DYNC2H1: variants seen among roughly 807,000 people sequenced by gnomAD.
DYNC2H1 encodes the protein dynein cytoplasmic 2 heavy chain 1.
A neutral mutation model predicts 570.0 loss-of-function variants in DYNC2H1; 410 were observed. That is an observed-to-expected ratio of 0.72 (90% CI 0.66 to 0.78). DYNC2H1 has a LOEUF of 0.78. Among genes scored for constraint, DYNC2H1 ranks in the 30% least tolerant of loss-of-function variants. DYNC2H1 has a pLI of 0.00. For synonymous variants in DYNC2H1, 1,688 were observed against 1,677.6 expected (o/e 1.01, Z -0.15); for missense variants, 4,865 against 5,046.4 (o/e 0.96, Z 1.09).
rs565506128 is a variant in DYNC2H1, at chr11:103,196,192, G to C, written c.7709-1741G>C. On this transcript the variant is annotated intron_variant, in intron 47 of 88. Coordinates refer to ENST00000375735, the MANE Select transcript of DYNC2H1 (RefSeq NM_001377.3). ...ATATGTGTTATGCTAGTGGTAGTAA[G>C]GATGTACTTGAGGAGGCAGAAACTT... Among the ~76,000 whole-genome samples the C allele has an allele frequency of 2.0e-5, 3 of 152,296 alleles. No individual in the cohort carries two copies. The East Asian group carries it at 5.8e-4, about 29-fold the overall frequency.
At position 103,121,419 on chromosome 11, in the gene DYNC2H1, G is replaced by A. The variant is rs766304630; in HGVS notation, c.1408G>A (p.Ala470Thr). The A allele has an allele frequency of 1.2e-6, 2 of 1,613,078 alleles. No individual in the cohort carries two copies. The highest frequency in any genetic ancestry group is 1.7e-6 in the Non-Finnish European group (2 of 1,179,482). The change falls in exon 10 of 89, where the codon GCA becomes ACA. Residue 470 changes from alanine to threonine, a missense_variant. Around this residue, in one of 5 missense-constraint regions of DYNC2H1, gnomAD observed 1,936 missense variants for 1,962.1 expected, o/e 0.99. Transcript: ENST00000375735. Reference protein sequence around the residue: ...ENRCRGIPGDASGPLSGKNLS... With the variant: ...ENRCRGIPGDTSGPLSGKNLS... ...TCGGTGCCGAGGAATTCCTGGTGAT[G>A]CATCTGGACCACTTTCTGGCAAAAA...
At chr11:103,122,693 C>A (rs544100003) in intron 10 of DYNC2H1, 132 bp from the exon 11 acceptor site, 2 of 778,436 alleles carry the variant, frequency 2.6e-6, no homozygotes, top group Admixed American at 3.0e-5. Flanking sequence ...TTTGGTGAAT[C>A]TTCCGTTTCA....
chr11:103,402,451 C>T (rs186179108), intron 84 of DYNC2H1: 2 of 152,086 alleles, frequency 1.3e-5, no homozygotes, highest in African/African-American at 2.4e-5. Context: ...GGTTAGCAAG[C>T]CTAGGGTTAA....
Position 103,186,194 on chromosome 11 carries a change from A to T in DYNC2H1, c.6634-48A>T, listed in dbSNP as rs1184893445. On this transcript the variant is annotated intron_variant, in intron 41 of 88. Coordinates refer to ENST00000375735, the MANE Select transcript of DYNC2H1 (RefSeq NM_001377.3). The surrounding 1 kb of genome is among the most constrained non-coding windows in gnomAD (Gnocchi z 4.5). Reference sequence around the variant, plus strand: ...TTACTTGGAAGAATTTTAAAATGTCACACACTCTGGAGTATGTGAAAACTT... The same window carrying T: ...TTACTTGGAAGAATTTTAAAATGTCTCACACTCTGGAGTATGTGAAAACTT... 13 of 1,543,100 alleles carry T rather than the reference A, an allele frequency of 8.4e-6. No individual in the cohort carries two copies. The South Asian group carries it at 1.3e-4, about 16-fold the overall frequency.
chr11:103,445,101 C>A (rs1329959780), intron 85 of DYNC2H1, among the ~76,000 whole-genome samples: 1 of 152,162 alleles, frequency 6.6e-6, no homozygotes, highest in East Asian at 1.9e-4. Flanking sequence ...TGAATAAATA[C>A]ATTTTGTACA....
chr11:103,346,834 A>G lies in DYNC2H1; in HGVS notation c.12040-11409A>G, dbSNP rs564542018. Reference sequence around the variant, plus strand: ...AATATGGCAGGAATGATGGAATTTGAAAAATCATTATTTCACAAACTCTAA... The same window carrying G: ...AATATGGCAGGAATGATGGAATTTGGAAAATCATTATTTCACAAACTCTAA... On this transcript the variant is annotated intron_variant, in intron 82 of 88. Coordinates refer to ENST00000375735, the MANE Select transcript of DYNC2H1 (RefSeq NM_001377.3). Among the ~76,000 whole-genome samples the G allele has an allele frequency of 4.6e-5, 7 of 152,312 alleles. No individual in the cohort carries two copies. The South Asian group carries it at 1.0e-3, about 23-fold the overall frequency.
At chr11:103,193,298 A>C (rs1197438892) in intron 47 of DYNC2H1, among the ~76,000 whole-genome samples, 1 of 152,014 alleles carries the variant, frequency 6.6e-6, no homozygotes, top group African/African-American at 2.4e-5. Context: ...TAGTGTGGAG[A>C]AGCTTAGGTT....
intron 84 of DYNC2H1, among the ~76,000 whole-genome samples, chr11:103,426,395 T>A (rs1019349073): frequency 6.6e-6 from 1 of 152,322 alleles, no homozygotes; most frequent in East Asian, 1.9e-4. Context: ...ACAACCAAGC[T>A]GGTCTTAGCA....
At position 103,280,291 on chromosome 11, in the gene DYNC2H1, G is replaced by A. The variant is rs1591517062; in HGVS notation, c.10696-57G>A. On this transcript the variant is annotated intron_variant, in intron 70 of 88. Coordinates refer to ENST00000375735, the MANE Select transcript of DYNC2H1 (RefSeq NM_001377.3). This position sits in a 1 kb window ranked among gnomAD's most constrained non-coding sequence, Gnocchi z 4.7. ...TTGTGTGCCAAATTTTAACGACTATGCTTTTCCAAAGACACAAATTTTTAA... is the reference window on the plus strand; with the variant it reads ...TTGTGTGCCAAATTTTAACGACTATACTTTTCCAAAGACACAAATTTTTAA... The A allele has an allele frequency of 6.6e-7, 1 of 1,519,316 alleles. No individual in the cohort carries two copies. The highest frequency in any genetic ancestry group is 1.2e-5 in the South Asian group (1 of 82,548). 94.1% of individuals were successfully genotyped at this position (1,519,316 alleles called of 1,614,324 possible). A position where few individuals can be genotyped will look rare whatever the true frequency, so the allele number is the denominator to read the frequency against.
At position 103,319,215 on chromosome 11, in the gene DYNC2H1, C is replaced by A. The variant is rs1421555756; in HGVS notation, c.11726-1814C>A. On this transcript the variant is annotated intron_variant, in intron 80 of 88. Transcript: ENST00000375735. This position sits in a 1 kb window ranked among gnomAD's most constrained non-coding sequence, Gnocchi z 4.3. ...TAGATATATAAATAGGTATCTTACA[C>A]CATTATGTTTTGAATAAAAGGCAGA... 6.6e-6 allele frequency among the ~76,000 whole-genome samples: 1 copy of A among 151,962 alleles called. No homozygotes were observed. Among genetic ancestry groups the A allele is most frequent in the Non-Finnish European group, 1.5e-5 (1 of 67,966 alleles).
rs1344183719 is a variant in DYNC2H1, at chr11:103,207,246, A to ATTTT, written c.8454+2282_8454+2283insTTTT. Among the ~76,000 whole-genome samples, 115 of 38,926 alleles carry ATTTT rather than the reference A, an allele frequency of 3.0e-3. 1 individual carries two copies. Among genetic ancestry groups the ATTTT allele is most frequent in the East Asian group, 5.0e-3 (6 of 1,190 alleles). 25.5% of individuals were successfully genotyped at this position (38,926 alleles called of 152,430 possible). A position where few individuals can be genotyped will look rare whatever the true frequency, so the allele number is the denominator to read the frequency against. On this transcript the variant is annotated intron_variant, in intron 52 of 88. Coordinates refer to ENST00000375735, the MANE Select transcript of DYNC2H1 (RefSeq NM_001377.3). ...CTGTTTTTTTTTTTTTTTTTTTAAA[A>ATTTT]AAAGATGGGACACACTATAGTATGT...
intron 17 of DYNC2H1, among the ~76,000 whole-genome samples, chr11:103,138,840 T>G (rs1859725720): frequency 6.6e-6 from 1 of 152,096 alleles, no homozygotes; most frequent in Non-Finnish European, 1.5e-5. Flanking sequence ...CTCCATCTGG[T>G]CCTGGACTCT....
At chr11:103,237,294 AT>A (rs1864255579) in intron 63 of DYNC2H1, among the ~76,000 whole-genome samples, 2 of 151,912 alleles carry the variant, frequency 1.3e-5, no homozygotes, top group African/African-American at 4.8e-5. Context: ...CCTTATTCTT[AT>A]TTTTTAACTC....
At chr11:103,467,720 G>A (rs1945238538) in intron 87 of DYNC2H1, among the ~76,000 whole-genome samples, 1 of 152,052 alleles carries the variant, frequency 6.6e-6, no homozygotes, top group Non-Finnish European at 1.5e-5. Flanking sequence ...TGCATTTTTA[G>A]TACAGATGGG....
At chr11:103,188,128 A>G (rs1024860517) in intron 43 of DYNC2H1, among the ~76,000 whole-genome samples, 4 of 152,110 alleles carry the variant, frequency 2.6e-5, no homozygotes, top group African/African-American at 9.6e-5. Flanking sequence ...TAGGCTTATT[A>G]TGTAACTGCA....
At chr11:103,463,289 T>C (rs1260113251) in intron 87 of DYNC2H1, among the ~76,000 whole-genome samples, 4 of 152,176 alleles carry the variant, frequency 2.6e-5, no homozygotes, top group African/African-American at 7.2e-5. Flanking sequence ...GAAATACAGA[T>C]AGATTGAGCT....
At chr11:103,452,670 A>G (rs1944651109) in intron 85 of DYNC2H1, among the ~76,000 whole-genome samples, 1 of 151,904 alleles carries the variant, frequency 6.6e-6, no homozygotes, top group Non-Finnish European at 1.5e-5. Flanking sequence ...ATAGCCTTTT[A>G]CCTTCAAAAT....
chr11:103,194,747 T>C (rs1794013761), intron 47 of DYNC2H1, among the ~76,000 whole-genome samples: 1 of 152,168 alleles, frequency 6.6e-6, no homozygotes, highest in South Asian at 2.1e-4. Context: ...AGACGGAGTC[T>C]CACTCTGTTT....
intron 57 of DYNC2H1, among the ~76,000 whole-genome samples, 178 bp downstream of exon 57, chr11:103,220,961 C>T (rs1364354514): frequency 6.6e-6 from 1 of 151,680 alleles, no homozygotes; most frequent in African/African-American, 2.4e-5. Context: ...CTATATATTC[C>T]TTTCTGTATA....
Sources: gnomAD v4.1 joint callset for allele counts (sites outside exome capture counted in the v4.1 genomes callset) on GRCh38, gnomAD v4.1.1 for gene constraint, gnomAD v4.1.1 regional missense constraint, Gnocchi (gnomAD v3.1) non-coding constraint, MANE v1.5 for transcripts, NCBI Gene and HGNC (gene_info 2026-07-23, HGNC 2026-07-21) for gene names.